The following NEDD4 variants were observed in gnomAD, a reference collection of about 807,000 sequenced individuals.
NEDD4 encodes the protein NEDD4 E3 ubiquitin protein ligase.
In NEDD4, 99 loss-of-function variants were observed where a neutral mutation model predicts 144.9. That is an observed-to-expected ratio of 0.68 (90% CI 0.58 to 0.81). The LOEUF is 0.81. Ranked by LOEUF, NEDD4 falls within the 30% of genes least tolerant of loss-of-function variation. The pLI is 0.00. For missense variants in NEDD4, 985 were observed against 1,065.9 expected (o/e 0.92, Z 1.06); for synonymous variants, 318 against 350.6 (o/e 0.91, Z 1.04).
chr15:55,839,358 G>A (rs1470555886), intron 21 of NEDD4, among the ~76,000 whole-genome samples: 4 of 152,066 alleles, frequency 2.6e-5, no homozygotes, highest in African/African-American at 9.7e-5. Flanking sequence ...GTAGCTATGA[G>A]GAGGCCATTG....
chr15:55,952,991 T>TC (rs1184886257), intron 2 of NEDD4, among the ~76,000 whole-genome samples: 7 of 150,816 alleles, frequency 4.6e-5, no homozygotes, highest in Admixed American at 4.0e-4. Context: ...TAATTCTTTT[T>TC]TTTTTTCTTT....
intron 4 of NEDD4, among the ~76,000 whole-genome samples, chr15:55,938,741 T>A (rs142999433): frequency 2.0e-4 from 31 of 151,726 alleles, no homozygotes; most frequent in South Asian, 4.2e-4. Flanking sequence ...ACTTCAAAAT[T>A]ACATACAAAA....
At chr15:55,865,459 T>C (rs1418739090) in intron 8 of NEDD4, among the ~76,000 whole-genome samples, 1 of 151,846 alleles carries the variant, frequency 6.6e-6, no homozygotes, top group African/African-American at 2.4e-5. Flanking sequence ...CTGTTAAGTA[T>C]GACACCAAAC....
intron 18 of NEDD4, among the ~76,000 whole-genome samples, chr15:55,845,289 T>C (rs1347621242): frequency 2.0e-5 from 3 of 152,204 alleles, no homozygotes. Flanking sequence ...TGACATGTCA[T>C]GTTGCTTAGG....
chr15:55,868,427 T>C (rs2034659712), intron 8 of NEDD4, among the ~76,000 whole-genome samples: 1 of 152,228 alleles, frequency 6.6e-6, no homozygotes, highest in Non-Finnish European at 1.5e-5. Flanking sequence ...GTAGCTTCTA[T>C]AATCCCCTCG....
At chr15:55,973,606 G>A (rs1401883385) in intron 1 of NEDD4, among the ~76,000 whole-genome samples, 3 of 150,842 alleles carry the variant, frequency 2.0e-5, no homozygotes, top group Non-Finnish European at 4.4e-5. Flanking sequence ...AATAACACTA[G>A]AAATCAATAA....
intron 4 of NEDD4, among the ~76,000 whole-genome samples, chr15:55,944,122 T>G (rs2037062885): frequency 6.6e-6 from 1 of 152,226 alleles, no homozygotes. Flanking sequence ...CTGGTTCATC[T>G]CATTTGGACT....
At chr15:55,974,278 G>T (rs1301175758) in intron 1 of NEDD4, among the ~76,000 whole-genome samples, 2 of 152,106 alleles carry the variant, frequency 1.3e-5, no homozygotes, top group Non-Finnish European at 2.9e-5. Flanking sequence ...CTGTAGTAAA[G>T]TCTCCCAGCA....
intron 5 of NEDD4, among the ~76,000 whole-genome samples, chr15:55,890,692 T>C (rs747969745): frequency 7.9e-5 from 12 of 152,226 alleles, no homozygotes; most frequent in African/African-American, 2.2e-4. Flanking sequence ...CTTGGATATA[T>C]ACTCAGGAAC....
At chr15:55,892,882 A>G (rs2035617323) in intron 5 of NEDD4, among the ~76,000 whole-genome samples, 1 of 152,148 alleles carries the variant, frequency 6.6e-6, no homozygotes, top group Non-Finnish European at 1.5e-5. Context: ...TTCCTTAACT[A>G]GTTCCCTATT....
At chr15:55,965,930 G>A (rs1428399124) in intron 2 of NEDD4, among the ~76,000 whole-genome samples, 1 of 152,128 alleles carries the variant, frequency 6.6e-6, no homozygotes, top group Non-Finnish European at 1.5e-5. Flanking sequence ...AAGATTACAG[G>A]CATGAGCCAC....
intron 11 of NEDD4, among the ~76,000 whole-genome samples, chr15:55,857,512 G>A (rs2034244427): frequency 6.6e-6 from 1 of 151,864 alleles, no homozygotes; most frequent in South Asian, 2.1e-4. Flanking sequence ...TATTAGAGAC[G>A]GGGTTTCGCC....
At chr15:55,927,628 G>A (rs1344837440) in intron 4 of NEDD4, among the ~76,000 whole-genome samples, 1 of 152,184 alleles carries the variant, frequency 6.6e-6, no homozygotes, top group African/African-American at 2.4e-5. Flanking sequence ...TGGGGACACT[G>A]ACATCCAGAA....
rs1312990402 is a variant in NEDD4 at position 55,850,597 on chromosome 15, T to C, written c.1292A>G (p.His431Arg). The change falls in exon 14 of 29, where the codon CAT (histidine) becomes CGT (arginine). Residue 431 changes from histidine to arginine, a missense_variant. Coordinates refer to ENST00000435532, the MANE Select transcript of NEDD4 (RefSeq NM_006154.4). ...AAAGAAAGGCCTCCCATTTGGTGCA[T>C]GCCGGACTTCCCAGCCTTTAGGAAG... is the stretch of plus-strand genomic sequence containing the variant. ...GFLPKGWEVR[H>R]APNGRPFFID... 1 of 1,614,058 alleles carries C rather than the reference T, an allele frequency of 6.2e-7. No individual in the cohort carries two copies. The highest frequency in any genetic ancestry group is 8.5e-7 in the Non-Finnish European group (1 of 1,180,028).
At chr15:55,850,147 G>A (rs533402843) in intron 14 of NEDD4, among the ~76,000 whole-genome samples, 70 of 152,170 alleles carry the variant, frequency 4.6e-4, no homozygotes, top group African/African-American at 1.6e-3. Flanking sequence ...ACAATTTTAA[G>A]CCTTATCTTA....
intron 4 of NEDD4, among the ~76,000 whole-genome samples, chr15:55,938,403 A>G (rs576887900): frequency 8.5e-4 from 129 of 152,244 alleles, no homozygotes; most frequent in Non-Finnish European, 1.6e-3. Flanking sequence ...AAAACTGGAT[A>G]TCCATACGCA....
intron 9 of NEDD4, among the ~76,000 whole-genome samples, chr15:55,861,352 G>C (rs891595707): frequency 6.6e-6 from 1 of 152,018 alleles, no homozygotes; most frequent in African/African-American, 2.4e-5. Flanking sequence ...ACAGTCATGG[G>C]CCTGTCCTGA....
In NEDD4 at chr15:55,974,751, G is replaced by A. The variant is rs1247390065; in HGVS notation, c.46-8205C>T. On this transcript the variant is annotated intron_variant, in intron 1 of 28. Coordinates refer to ENST00000435532, the MANE Select transcript of NEDD4 (RefSeq NM_006154.4). ...TAAAAAAAAAAACCCTCAAAAACCT[G>A]ACTATAGATGGAACATAGCTCAACA... Among the ~76,000 whole-genome samples, 4 of 150,884 alleles carry A rather than the reference G, an allele frequency of 2.7e-5. No individual in the cohort carries two copies. In the East Asian group the frequency reaches 5.8e-4, roughly 22 times the overall value.
intron 5 of NEDD4, among the ~76,000 whole-genome samples, chr15:55,898,920 C>T (rs1367237124): frequency 7.9e-5 from 12 of 152,208 alleles, no homozygotes; most frequent in East Asian, 7.7e-4. Context: ...GGCTTACAGG[C>T]GTGAGCCACT....
Sources: gnomAD v4.1 joint callset for allele counts (sites outside exome capture counted in the v4.1 genomes callset) on GRCh38, gnomAD v4.1.1 for gene constraint, MANE v1.5 for transcripts, NCBI Gene and HGNC (gene_info 2026-07-23, HGNC 2026-07-21) for gene names.